APAF1: variants seen among roughly 807,000 people sequenced by gnomAD.
APAF1 encodes the protein apoptotic peptidase activating factor 1, also known as apoptotic protease-activating factor 1.
A neutral mutation model predicts 152.4 loss-of-function variants in APAF1; 91 were observed. That is an observed-to-expected ratio of 0.60 (90% confidence interval 0.50 to 0.71). The LOEUF is 0.71. Ranked by LOEUF, APAF1 falls within the 30% of genes least tolerant of loss-of-function variation. The probability of loss-of-function intolerance (pLI) is 0.00; values close to 1 mark genes in which losing one functional copy is unlikely to be tolerated. For synonymous variants in APAF1, 484 were observed against 494.1 expected (o/e 0.98, Z 0.27); for missense variants, 1,283 against 1,472.0 (o/e 0.87, Z 2.10).
intron 1 of APAF1, among the ~76,000 whole-genome samples, chr12:98,646,592 AT>A (rs980918829): frequency 1.9e-4 from 29 of 152,210 alleles, no homozygotes; most frequent in African/African-American, 6.3e-4. Context: ...ACTGTGAATT[AT>A]TTCAGGCAAA....
Position 98,665,671 on chromosome 12 carries a change from T to G in APAF1, c.1074T>G (p.Ser358=), listed in dbSNP as rs778671229. 1.9e-6 allele frequency: 3 copies of G among 1,614,060 alleles called. No individual in the cohort carries two copies. The highest frequency in any genetic ancestry group is 2.2e-5 in the South Asian group (2 of 91,074). The change falls in exon 8 of 27, where the codon TCT becomes TCG. Residue 358 remains serine (S), a synonymous_variant. Transcript: ENST00000551964. The part of the protein sequence containing the change: ...KQFKRIRKSS[S]YDYEALDEAM... ...TTAAGAGAATAAGGAAATCTTCGTC[T>G]TATGATTATGAGGCTCTAGATGAAG...
chr12:98,670,692 A>G (rs1229516101), intron 10 of APAF1, among the ~76,000 whole-genome samples: 1 of 151,956 alleles, frequency 6.6e-6, no homozygotes, highest in Non-Finnish European at 1.5e-5. Flanking sequence ...GATTTCCTTC[A>G]CTACAAGCTT....
At chr12:98,709,374 G>A (rs1372961170) in intron 20 of APAF1, among the ~76,000 whole-genome samples, 3 of 152,170 alleles carry the variant, frequency 2.0e-5, no homozygotes, top group Admixed American at 1.3e-4. Context: ...ACTAGCTGAA[G>A]AGAGAAGGAG....
At chr12:98,661,943 TA>T (rs918501604) in intron 5 of APAF1, among the ~76,000 whole-genome samples, 2 of 151,718 alleles carry the variant, frequency 1.3e-5, no homozygotes, top group Non-Finnish European at 2.9e-5. Flanking sequence ...ACAAATTGAT[TA>T]AAAAAAACCA....
At chr12:98,701,284 G>A (rs757273980) in intron 17 of APAF1, among the ~76,000 whole-genome samples, 16 of 152,134 alleles carry the variant, frequency 1.1e-4, no homozygotes, top group Non-Finnish European at 2.4e-4. Flanking sequence ...CACTTGGTTT[G>A]TTTCCACCTT....
rs536400906 is a variant in APAF1 at position 98,668,578 on chromosome 12, A to AGGGTAT, written c.1494+935_1494+936insGGTATG. Among the ~76,000 whole-genome samples, 443 of 152,328 alleles carry AGGGTAT rather than the reference A, an allele frequency of 2.9e-3. 3 individuals are homozygous for AGGGTAT. The highest frequency in any genetic ancestry group is 0.01 in the African/African-American group (421 of 41,574). On this transcript the variant is annotated intron_variant, in intron 10 of 26. Coordinates refer to ENST00000551964, the MANE Select transcript of APAF1 (RefSeq NM_181861.2). ...AGAAGGACAGAGCATGGAAGGGGAAAGAAAGTGATGATAGAGGGGTAGAAT... is the reference window on the plus strand; with the variant it reads ...AGAAGGACAGAGCATGGAAGGGGAAAGGGTATGAAAGTGATGATAGAGGGGTAGAAT...
chr12:98,702,186 C>T (rs1462826729), intron 17 of APAF1, among the ~76,000 whole-genome samples: 2 of 152,106 alleles, frequency 1.3e-5, no homozygotes, highest in Non-Finnish European at 2.9e-5. Flanking sequence ...CTGCCTCAGC[C>T]TCCCGAGTAG....
In APAF1 at chr12:98,665,571, C is replaced by G. The variant is rs1045431523; in HGVS notation, c.974C>G (p.Ser325Cys). 5.6e-6 allele frequency: 9 copies of G among 1,612,696 alleles called. No homozygotes were observed. Among genetic ancestry groups the G allele is most frequent in the Admixed American group, 1.7e-5 (1 of 59,918 alleles). ...TTTAAAGGCTCTCCCCTTGTAGTAT[C>G]TTTAATTGGTGCACTTTTACGTGAT... ...KECKGSPLVV[S>C]LIGALLRDFP... Residue 325 changes from serine (S) to cysteine (C), a missense_variant, in exon 8 of 27, where the codon TCT (serine) becomes TGT (cysteine). Coordinates refer to ENST00000551964, the MANE Select transcript of APAF1 (RefSeq NM_181861.2).
At chr12:98,700,969 A>G (rs752338425) in intron 17 of APAF1, among the ~76,000 whole-genome samples, 10 of 151,632 alleles carry the variant, frequency 6.6e-5, no homozygotes, top group Admixed American at 4.6e-4. Context: ...ATTCCATTGT[A>G]TGTATATATC....
chr12:98,708,584 G>A lies in APAF1; in HGVS notation c.2722-1G>A. 1 of 1,612,704 alleles carries A rather than the reference G, an allele frequency of 6.2e-7. No homozygotes were observed. The highest frequency in any genetic ancestry group is 8.5e-7 in the Non-Finnish European group (1 of 1,179,196). On this transcript the variant is annotated splice_acceptor_variant, in intron 19 of 26. Coordinates refer to ENST00000551964, the MANE Select transcript of APAF1 (RefSeq NM_181861.2). LOFTEE classifies it high-confidence loss of function. ...TGATAATTTCTTTATCTCTTAATCA[G>A]CTCTGGGAGACAAAGAAAGTATGTA...
chr12:98,727,856 G>A (rs750438876), intron 26 of APAF1, among the ~76,000 whole-genome samples: 9 of 151,888 alleles, frequency 5.9e-5, no homozygotes, highest in Middle Eastern at 3.4e-3. Flanking sequence ...CAGGAGAATC[G>A]CTTGAACCCG....
At chr12:98,723,787 T>C (rs2097746559) in intron 24 of APAF1, 23 bp downstream of exon 24, 2 of 1,613,366 alleles carry the variant, frequency 1.2e-6, no homozygotes, top group Non-Finnish European at 1.7e-6. Context: ...ATTGAAACCA[T>C]GCATAAAACT....
intron 22 of APAF1, among the ~76,000 whole-genome samples, chr12:98,722,023 G>A (rs560450850): frequency 3.3e-5 from 5 of 152,112 alleles, no homozygotes; most frequent in Non-Finnish European, 7.4e-5. Flanking sequence ...TCAGGCCCAC[G>A]GGGCTGTTTC....
Position 98,732,768 on chromosome 12 carries a change from T to C in APAF1, c.*202T>C. The stretch of plus-strand genomic sequence containing the variant: ...ATACCTTTAATCTTGTTTTTCATGA[T>C]CATCATTAACAGTTTGTCCTTAGGA... On this transcript the variant is annotated 3_prime_UTR_variant, in exon 27 of 27. Coordinates refer to ENST00000551964, the MANE Select transcript of APAF1 (RefSeq NM_181861.2). 1.8e-6 allele frequency: 1 copy of C among 549,288 alleles called. No homozygotes were observed. The highest frequency in any genetic ancestry group is 3.2e-5 in the Admixed American group (1 of 30,792). The allele number at this position is 549,288 out of a possible 1,614,324, so 34.0% of individuals were successfully genotyped here. A position where few individuals can be genotyped will look rare whatever the true frequency, so the allele number is the denominator to read the frequency against.
At chr12:98,679,687 C>T (rs2097690321) in intron 13 of APAF1, among the ~76,000 whole-genome samples, 1 of 152,234 alleles carries the variant, frequency 6.6e-6, no homozygotes, top group Non-Finnish European at 1.5e-5. Flanking sequence ...TTCCTGGCAT[C>T]TCCAAGCTTC....
intron 21 of APAF1, among the ~76,000 whole-genome samples, chr12:98,714,557 C>T (rs2153339901): frequency 6.6e-6 from 1 of 152,354 alleles, no homozygotes; most frequent in Non-Finnish European, 1.5e-5. Flanking sequence ...AAACCCAGAT[C>T]TCTGAGGCTG....
chr12:98,702,134 C>T (rs981063484), intron 17 of APAF1, among the ~76,000 whole-genome samples: 22 of 152,080 alleles, frequency 1.4e-4, no homozygotes, highest in African/African-American at 4.3e-4. Context: ...GGCGCTATCT[C>T]GGTTCACTGC....
chr12:98,701,926 G>C (rs574694082), intron 17 of APAF1, among the ~76,000 whole-genome samples: 1 of 152,086 alleles, frequency 6.6e-6, no homozygotes, highest in African/African-American at 2.4e-5. Flanking sequence ...AAGTTTCCTC[G>C]ATCACTGTCA....
rs200621810 is a variant in APAF1, at chr12:98,648,667, A to G, written c.180A>G (p.Ile60Met). 5.0e-6 allele frequency: 8 copies of G among 1,613,890 alleles called. No homozygotes were observed. The highest frequency in any genetic ancestry group is 1.1e-5 in the South Asian group (1 of 91,074). ...GAGCAGCTATGCTGATTAAAATGATACTTAAAAAAGATAATGATTCCTACG... is the reference window on the plus strand; with the variant it reads ...GAGCAGCTATGCTGATTAAAATGATGCTTAAAAAAGATAATGATTCCTACG... ...QQRAAMLIKM[I>M]LKKDNDSYVS... The change falls in exon 3 of 27, where the codon ATA (isoleucine) becomes ATG (methionine). Residue 60 changes from isoleucine to methionine, a missense_variant. Ile to Met is a conservative substitution (Grantham distance 10). Coordinates refer to ENST00000551964, the MANE Select transcript of APAF1 (RefSeq NM_181861.2).
Sources: allele counts gnomAD v4.1 joint callset (sites outside exome capture counted in the v4.1 genomes callset), GRCh38; gene constraint gnomAD v4.1.1; transcripts MANE v1.5; gene names NCBI Gene and HGNC (gene_info 2026-07-23, HGNC 2026-07-21).